Variants in DCLK2 observed in about 807,000 individuals in gnomAD.
DCLK2 encodes the protein serine/threonine-protein kinase DCLK2.
A neutral mutation model predicts 78.4 loss-of-function variants in DCLK2; 31 were observed. The observed-to-expected ratio is 0.40, with a 90% CI of 0.30 to 0.53. The LOEUF is 0.53. DCLK2 is among the 20% of genes least tolerant of loss of function. The pLI, the probability that DCLK2 is intolerant of heterozygous loss-of-function variation, is 0.61. For missense variants in DCLK2, 872 were observed against 973.7 expected (o/e 0.90, Z 1.39); for synonymous variants, 407 against 374.9 (o/e 1.09, Z -0.99).
intron 2 of DCLK2, among the ~76,000 whole-genome samples, chr4:150,133,543 G>A (rs758936072): frequency 6.6e-6 from 1 of 152,196 alleles, no homozygotes; most frequent in Non-Finnish European, 1.5e-5. Context: ...TTAAAGGGAT[G>A]ATATAGCAGG....
At chr4:150,173,424 C>A (rs1185191296) in intron 2 of DCLK2, among the ~76,000 whole-genome samples, 38 of 152,130 alleles carry the variant, frequency 2.5e-4, no homozygotes, top group Admixed American at 2.5e-3. Context: ...AGACAAAGAG[C>A]AGACAGAACT....
chr4:150,162,017 T>C (rs1735737174), intron 2 of DCLK2, among the ~76,000 whole-genome samples: 1 of 152,196 alleles, frequency 6.6e-6, no homozygotes, highest in East Asian at 1.9e-4. Flanking sequence ...CACCACCGTC[T>C]GTTTATTGGT....
intron 2 of DCLK2, among the ~76,000 whole-genome samples, chr4:150,186,894 A>ATGTGTGTGTGTGTG (rs10683241): frequency 6.1e-5 from 9 of 147,498 alleles, no homozygotes; most frequent in South Asian, 2.2e-4. Flanking sequence ...CTATCTCAAA[A>ATGTGTGTGTGTGTG]TGTGTGTGTG....
chr4:150,093,609 T>G (rs924629748), intron 1 of DCLK2, among the ~76,000 whole-genome samples: 1 of 152,212 alleles, frequency 6.6e-6, no homozygotes, highest in African/African-American at 2.4e-5. Flanking sequence ...CTCGAAATCT[T>G]GGCCACAAGC....
At chr4:150,160,225 C>T (rs1735607604) in intron 2 of DCLK2, among the ~76,000 whole-genome samples, 1 of 152,022 alleles carries the variant, frequency 6.6e-6, no homozygotes, top group Non-Finnish European at 1.5e-5. Flanking sequence ...ACCACGTTGC[C>T]CAGGCTGGTC....
chr4:150,249,791 C>T (rs1743618074), intron 15 of DCLK2, 107 bp downstream of exon 15: 1 of 874,020 alleles, frequency 1.1e-6, no homozygotes, highest in African/African-American at 1.7e-5. Flanking sequence ...CTTCCGTAGT[C>T]CTATTTCATA....
chr4:150,169,968 A>G (rs1736392349), intron 2 of DCLK2, among the ~76,000 whole-genome samples: 1 of 152,206 alleles, frequency 6.6e-6, no homozygotes, highest in Non-Finnish European at 1.5e-5. Context: ...CTAAAAAATG[A>G]TCTGTTGCTT....
chr4:150,109,335 C>CTTTTTTTTT, intron 2 of DCLK2, among the ~76,000 whole-genome samples: 1 of 143,690 alleles, frequency 7.0e-6, no homozygotes, highest in Non-Finnish European at 1.5e-5. Flanking sequence ...ATGCATTTCC[C>CTTTTTTTTT]TTTTTTTTTT....
chr4:150,205,819 G>A (rs758908409), intron 5 of DCLK2, among the ~76,000 whole-genome samples: 1 of 152,188 alleles, frequency 6.6e-6, no homozygotes, highest in Non-Finnish European at 1.5e-5. Context: ...TTGTTCTAGG[G>A]CAGATCTAGG....
Position 150,116,447 on chromosome 4 carries a change from G to C in DCLK2, c.756+13635G>C, listed in dbSNP as rs539374533. Reference sequence around the variant, plus strand: ...GTTCAGGGACTCAAGGCCTGTGTTTGGATTCTTTTGTCCCATGTGATGTGT... The same window carrying C: ...GTTCAGGGACTCAAGGCCTGTGTTTCGATTCTTTTGTCCCATGTGATGTGT... On this transcript the variant is annotated intron_variant, in intron 2 of 15. Transcript: ENST00000296550. 8.5e-5 allele frequency among the ~76,000 whole-genome samples: 13 copies of C among 152,294 alleles called. No individual in the cohort carries two copies. The South Asian group carries it at 2.7e-3, about 32-fold the overall frequency.
At chr4:150,139,493 G>A (rs899941861) in intron 2 of DCLK2, among the ~76,000 whole-genome samples, 16 of 152,164 alleles carry the variant, frequency 1.1e-4, no homozygotes, top group African/African-American at 3.9e-4. Context: ...AGCATATTGT[G>A]GTCAGGTGCT....
chr4:150,103,549 A>G (rs552549894), intron 2 of DCLK2, among the ~76,000 whole-genome samples: 1 of 152,166 alleles, frequency 6.6e-6, no homozygotes, highest in East Asian at 1.9e-4. Context: ...CCATAAAGTT[A>G]AATTGTTTAT....
At chr4:150,142,412 A>G (rs1734170771) in intron 2 of DCLK2, among the ~76,000 whole-genome samples, 2 of 152,228 alleles carry the variant, frequency 1.3e-5, no homozygotes, top group East Asian at 1.9e-4. Flanking sequence ...CACCCTTCCA[A>G]TTGAGTAGAA....
chr4:150,220,706 A>T lies in DCLK2; in HGVS notation c.1060A>T (p.Ile354Phe), dbSNP rs1175601420. Residue 354 changes from isoleucine (I) to phenylalanine (F), a missense_variant, in exon 6 of 16, where the codon ATT (isoleucine) becomes TTT (phenylalanine). This residue lies in a region of DCLK2 where 567 missense variants were observed against 593.4 expected (regional missense o/e 0.96). Transcript: ENST00000296550. ...AATGGTCATTCTCCTCTTTCAGCAG[A>T]TTTCTGCTCATGGCAGATCTTCTTC... Reference protein sequence around the residue: ...SPGSFRGLKQISAHGRSSSNV... With the variant: ...SPGSFRGLKQFSAHGRSSSNV... The T allele has an allele frequency of 6.2e-7, 1 of 1,613,198 alleles. No individual in the cohort carries two copies.
At chr4:150,081,520 T>A (rs1361689778) in intron 1 of DCLK2, among the ~76,000 whole-genome samples, 2 of 111,734 alleles carry the variant, frequency 1.8e-5, no homozygotes, top group Non-Finnish European at 4.7e-5. Context: ...ACAGCCAAAA[T>A]TTTTTTTATG....
intron 5 of DCLK2, 136 bp from the exon 6 acceptor site, chr4:150,220,567 G>A (rs1008990512): frequency 5.1e-5 from 33 of 643,370 alleles, no homozygotes; most frequent in Non-Finnish European, 8.1e-5. Context: ...AGAGAGGTGA[G>A]ATGAGAAGAA....
chr4:150,098,854 C>T (rs925700656), intron 1 of DCLK2, among the ~76,000 whole-genome samples: 1 of 152,094 alleles, frequency 6.6e-6, no homozygotes. Flanking sequence ...CGCCACCACA[C>T]CCGGCTAATT....
At chr4:150,175,969 C>T (rs1473911400) in intron 2 of DCLK2, among the ~76,000 whole-genome samples, 1 of 152,172 alleles carries the variant, frequency 6.6e-6, no homozygotes, top group East Asian at 1.9e-4. Flanking sequence ...GTGCTGTAAG[C>T]CAGAGTATCT....
At chr4:150,109,990 C>T (rs1731550236) in intron 2 of DCLK2, among the ~76,000 whole-genome samples, 2 of 152,150 alleles carry the variant, frequency 1.3e-5, no homozygotes, top group South Asian at 2.1e-4. Flanking sequence ...TTTAGATATC[C>T]CTCTTCTTTT....
Sources: allele counts gnomAD v4.1 joint callset (sites outside exome capture counted in the v4.1 genomes callset), GRCh38; gene constraint gnomAD v4.1.1; regional missense constraint gnomAD v4.1.1; transcripts MANE v1.5; gene names NCBI Gene and HGNC (gene_info 2026-07-23, HGNC 2026-07-21).